Variants in XNDC1N observed in about 807,000 individuals in gnomAD.
XNDC1N encodes the protein protein XNDC1N.
chr11:71,903,316 C>A, the XNDC1N span: 1 of 1,418,798 alleles, frequency 7.0e-7, no homozygotes, highest in South Asian at 1.1e-5. Flanking sequence ...TGCTGGAGAA[C>A]CTGCTCATCA....
At chr11:71,903,652 T>C in the XNDC1N span, 1,095 of 63,046 alleles carry the variant, frequency 0.017, no homozygotes, top group Non-Finnish European at 0.027. Context: ...TTTTTTTTCT[T>C]TTTTTTTTTT....
chr11:71,865,756 A>T, the XNDC1N span: 1 of 402,942 alleles, frequency 2.5e-6, no homozygotes, highest in Non-Finnish European at 4.7e-6. Context: ...CACTGTCAAC[A>T]TTTTGAGAAG....
the XNDC1N span, among the ~76,000 whole-genome samples, chr11:71,902,887 T>C: frequency 1.1e-4 from 16 of 152,368 alleles, no homozygotes; most frequent in Non-Finnish European, 2.2e-4. Flanking sequence ...CTGTATTTTC[T>C]AGCAATTACG....
At chr11:71,901,869 A>T in the XNDC1N span, among the ~76,000 whole-genome samples, 1 of 152,084 alleles carries the variant, frequency 6.6e-6, no homozygotes. Context: ...GGATGCATAA[A>T]GTAAAGGCAA....
the XNDC1N span, among the ~76,000 whole-genome samples, chr11:71,875,628 T>A: frequency 6.8e-6 from 1 of 148,124 alleles, no homozygotes; most frequent in African/African-American, 2.5e-5. Flanking sequence ...AAGCATTCAT[T>A]AAAAAAAAAA....
chr11:71,889,259 A>G, the XNDC1N span, among the ~76,000 whole-genome samples: 140 of 152,344 alleles, frequency 9.2e-4, no homozygotes, highest in South Asian at 2.7e-3. Context: ...GAGACAGAAA[A>G]TATCAACAAG....
At chr11:71,926,838 T>G in the XNDC1N span, among the ~76,000 whole-genome samples, 9 of 151,480 alleles carry the variant, frequency 5.9e-5, no homozygotes, top group African/African-American at 2.2e-4. Flanking sequence ...GAGGCAAAGG[T>G]TGCAGTGAGC....
the XNDC1N span, among the ~76,000 whole-genome samples, chr11:71,896,800 G>A: frequency 1.3e-5 from 2 of 152,236 alleles, no homozygotes; most frequent in Non-Finnish European, 2.9e-5. Flanking sequence ...CTGACCTCAC[G>A]TGATCCACCC....
the XNDC1N span, among the ~76,000 whole-genome samples, chr11:71,870,279 G>C: frequency 0.079 from 12,009 of 152,092 alleles, 783 homozygotes; most frequent in African/African-American, 0.15. Flanking sequence ...CACCTTTGAT[G>C]GTTTGATTGT....
chr11:71,893,411 T>G, the XNDC1N span: 1 of 705,796 alleles, frequency 1.4e-6, no homozygotes, highest in Non-Finnish European at 2.6e-6. Context: ...TAAGGGCTGG[T>G]TTTTATCTTT....
the XNDC1N span, chr11:71,923,290 T>C: frequency 1.4e-6 from 1 of 702,830 alleles, no homozygotes; most frequent in South Asian, 1.5e-5. Flanking sequence ...AAACAAATCA[T>C]GCCTGCTGAT....
the XNDC1N span, among the ~76,000 whole-genome samples, chr11:71,906,463 C>A: frequency 2.1e-4 from 32 of 152,120 alleles, no homozygotes; most frequent in African/African-American, 7.7e-4. Context: ...GAAGTCACAT[C>A]CCCCGAGGAT....
the XNDC1N span, chr11:71,928,181 A>G: frequency 2.1e-6 from 1 of 475,726 alleles, no homozygotes; most frequent in Non-Finnish European, 3.8e-6. Flanking sequence ...AGCCTAAGTA[A>G]GACGCGGAAT....
chr11:71,928,531 T>A, the XNDC1N span: 1 of 702,506 alleles, frequency 1.4e-6, no homozygotes, highest in African/African-American at 1.7e-5. Context: ...GCTGCTGTTT[T>A]TGAAAATGAG....
At chr11:71,921,299 C>T in the XNDC1N span, among the ~76,000 whole-genome samples, 1 of 152,028 alleles carries the variant, frequency 6.6e-6, no homozygotes, top group African/African-American at 2.4e-5. Flanking sequence ...ACTACAGGTG[C>T]GTGCCACCAC....
the XNDC1N span, chr11:71,903,639 G>GT: frequency 7.3e-4 from 304 of 416,260 alleles, no homozygotes; most frequent in East Asian, 2.1e-3. Context: ...TGTTGTCCTT[G>GT]TTTTTTTTTT....
chr11:71,898,242 C>T, the XNDC1N span, among the ~76,000 whole-genome samples: 6 of 151,754 alleles, frequency 4.0e-5, no homozygotes, highest in Non-Finnish European at 7.4e-5. Context: ...AACAAACAGG[C>T]ACTTCTGACG....
the XNDC1N span, chr11:71,919,096 G>A: frequency 1.5e-6 from 1 of 686,310 alleles, no homozygotes; most frequent in Non-Finnish European, 2.7e-6. Context: ...CCATGAATGA[G>A]GGATCGCTAA....
At chr11:71,868,363 T>G in the XNDC1N span, among the ~76,000 whole-genome samples, 1 of 152,230 alleles carries the variant, frequency 6.6e-6, no homozygotes, top group Non-Finnish European at 1.5e-5. Flanking sequence ...CATTGTGTGT[T>G]GCTCTATAGT....
Sources: gnomAD v4.1 joint callset for allele counts (sites outside exome capture counted in the v4.1 genomes callset) on GRCh38, gnomAD v4.1.1 for gene constraint, MANE v1.5 for transcripts, NCBI Gene and HGNC (gene_info 2026-07-23, HGNC 2026-07-21) for gene names.